Variants in NRG3 observed in about 807,000 individuals in gnomAD.
NRG3 encodes the protein pro-neuregulin-3, membrane-bound isoform.
Under a neutral mutation model 66.9 loss-of-function variants are expected in NRG3, and 31 were observed. That is an observed-to-expected ratio of 0.46 (90% CI 0.35 to 0.63). NRG3 has a LOEUF of 0.63. Among genes scored for constraint, NRG3 ranks in the 20% least tolerant of loss-of-function variants. The pLI is 0.00. For missense variants in NRG3, 910 were observed against 878.9 expected, an observed-to-expected ratio of 1.04 and a Z score of -0.45; for synonymous variants, 393 against 359.4, an observed-to-expected ratio of 1.09 and a Z score of -1.06.
rs1841615133 is a variant in NRG3 at position 81,876,134 on chromosome 10, C to G, written c.794C>G (p.Thr265Arg). 6.2e-7 allele frequency: 1 copy of G among 1,601,554 alleles called. No homozygotes were observed. The highest frequency in any genetic ancestry group is 1.3e-5 in the African/African-American group (1 of 74,544). The part of the protein sequence containing the change: ...SSSSSSATTT[T>R]PETSTSPKFH... ...TCTTCCTCCTCCGCTACCACCACCA[C>G]ACCAGAAACTAGCACCAGCCCCAAA... Residue 265 changes from threonine to arginine, a missense_variant, in exon 1 of 9, where the codon ACA becomes AGA. Coordinates refer to ENST00000372141, the MANE Select transcript of NRG3 (RefSeq NM_001010848.4).
At chr10:82,819,969 T>C (rs1221395766) in intron 3 of NRG3, among the ~76,000 whole-genome samples, 5 of 152,144 alleles carry the variant, frequency 3.3e-5, no homozygotes, top group South Asian at 4.2e-4. Context: ...TAGAGGGGGA[T>C]ACACAGCACT....
chr10:81,982,377 A>G (rs1313127033), intron 1 of NRG3, among the ~76,000 whole-genome samples: 1 of 152,178 alleles, frequency 6.6e-6, no homozygotes, highest in Non-Finnish European at 1.5e-5. Flanking sequence ...GTTCAAGGCA[A>G]TCTAAGCTTC....
At chr10:82,480,744 A>C (rs1842203161) in intron 2 of NRG3, among the ~76,000 whole-genome samples, 1 of 152,192 alleles carries the variant, frequency 6.6e-6, no homozygotes. Flanking sequence ...ACCTATTAGC[A>C]CTTAAAGCTT....
intron 1 of NRG3, among the ~76,000 whole-genome samples, chr10:82,090,361 A>G (rs2065955739): frequency 6.6e-6 from 1 of 152,238 alleles, no homozygotes. Context: ...TGTGAGGACA[A>G]TAATATAATG....
At chr10:82,126,059 T>G (rs2068430441) in intron 1 of NRG3, among the ~76,000 whole-genome samples, 1 of 152,002 alleles carries the variant, frequency 6.6e-6, no homozygotes, top group Non-Finnish European at 1.5e-5. Flanking sequence ...TACTGATAAT[T>G]ATTCCAGGAC....
intron 2 of NRG3, among the ~76,000 whole-genome samples, chr10:82,408,101 AAGAAAG>A (rs2087730391): frequency 7.5e-6 from 1 of 134,200 alleles, no homozygotes; most frequent in South Asian, 2.3e-4. Flanking sequence ...GAAAGAAAGA[AAGAAAG>A]AAAGAAAGAA....
At chr10:82,616,353 C>T (rs764927723) in intron 2 of NRG3, among the ~76,000 whole-genome samples, 2 of 152,146 alleles carry the variant, frequency 1.3e-5, no homozygotes, top group African/African-American at 2.4e-5. Flanking sequence ...CCACATTATT[C>T]GCTTGTGTAC....
At chr10:82,475,291 T>G (rs1453083936) in intron 2 of NRG3, among the ~76,000 whole-genome samples, 1 of 152,042 alleles carries the variant, frequency 6.6e-6, no homozygotes, top group East Asian at 1.9e-4. Flanking sequence ...CCAATTTTAT[T>G]GAAATACAAA....
intron 1 of NRG3, among the ~76,000 whole-genome samples, chr10:82,198,440 A>C (rs1358554205): frequency 6.6e-6 from 1 of 152,204 alleles, no homozygotes; most frequent in Non-Finnish European, 1.5e-5. Context: ...CTTTACAGAT[A>C]GGTAACAGCA....
At chr10:82,310,269 G>T (rs1564779587) in intron 1 of NRG3, among the ~76,000 whole-genome samples, 1 of 152,194 alleles carries the variant, frequency 6.6e-6, no homozygotes, top group African/African-American at 2.4e-5. Flanking sequence ...GATGTGACTT[G>T]TGCTGTATTT....
At chr10:82,735,019 A>AG (rs1305192474) in intron 2 of NRG3, among the ~76,000 whole-genome samples, 2 of 145,006 alleles carry the variant, frequency 1.4e-5, no homozygotes, top group African/African-American at 5.1e-5. Context: ...AAAAAAAAAG[A>AG]AAAAAAAAAG....
At chr10:82,611,950 G>A (rs962263055) in intron 2 of NRG3, among the ~76,000 whole-genome samples, 7 of 152,020 alleles carry the variant, frequency 4.6e-5, no homozygotes, top group African/African-American at 1.4e-4. Context: ...ACTTTTTAAC[G>A]ATCAACATTC....
intron 2 of NRG3, among the ~76,000 whole-genome samples, chr10:82,609,614 A>G (rs536531263): frequency 1.3e-5 from 2 of 152,072 alleles, no homozygotes; most frequent in South Asian, 4.1e-4. Flanking sequence ...GAGAGAGAAA[A>G]TTGGAAAAAA....
At chr10:82,502,704 G>A (rs910792094) in intron 2 of NRG3, among the ~76,000 whole-genome samples, 3 of 152,168 alleles carry the variant, frequency 2.0e-5, no homozygotes, top group African/African-American at 4.8e-5. Context: ...TATATTAATT[G>A]TAATAATTAT....
At chr10:82,507,385 G>T (rs543690430) in intron 2 of NRG3, among the ~76,000 whole-genome samples, 1 of 152,240 alleles carries the variant, frequency 6.6e-6, no homozygotes, top group East Asian at 1.9e-4. Flanking sequence ...CTGCCTGGGA[G>T]GTTTTGGAAA....
intron 1 of NRG3, among the ~76,000 whole-genome samples, chr10:81,969,293 C>T (rs1316381363): frequency 6.6e-6 from 1 of 151,870 alleles, no homozygotes; most frequent in Non-Finnish European, 1.5e-5. Flanking sequence ...GTTAGAGGAA[C>T]AAAAACAAAA....
intron 2 of NRG3, among the ~76,000 whole-genome samples, chr10:82,715,931 C>G (rs1451035127): frequency 6.6e-6 from 1 of 152,102 alleles, no homozygotes; most frequent in Non-Finnish European, 1.5e-5. Flanking sequence ...GGCTAGCTCT[C>G]TAGCCTCTTC....
chr10:82,624,817 TAATA>T (rs1007738793), intron 2 of NRG3, among the ~76,000 whole-genome samples: 31 of 147,842 alleles, frequency 2.1e-4, no homozygotes, highest in African/African-American at 6.4e-4. Flanking sequence ...ATAGAATGTT[TAATA>T]AATCCATGAA....
intron 1 of NRG3, among the ~76,000 whole-genome samples, chr10:81,995,820 C>A (rs969792755): frequency 6.6e-6 from 1 of 152,146 alleles, no homozygotes. Context: ...TTCATCAGTA[C>A]CTTTTCTAGA....
Sources: gnomAD v4.1 joint callset for allele counts (sites outside exome capture counted in the v4.1 genomes callset) on GRCh38, gnomAD v4.1.1 for gene constraint, MANE v1.5 for transcripts, NCBI Gene and HGNC (gene_info 2026-07-23, HGNC 2026-07-21) for gene names.